SPRR2G: variants seen among roughly 807,000 people sequenced by gnomAD.
SPRR2G encodes small proline-rich protein 2G.
SPRR2G carries 1 observed loss-of-function variant against 0.7 expected under a neutral mutation model. The ratio of observed to expected loss-of-function variants is 1.49; its 90% CI spans 0.53 to 7.06. The LOEUF is 7.06. Among genes scored for constraint, SPRR2G ranks in the 30% most tolerant of loss-of-function variants. The pLI is 0.14. For missense variants in SPRR2G, 96 were observed against 88.5 expected (o/e 1.09, Z -0.34); for synonymous variants, 38 against 33.9 (o/e 1.12, Z -0.42).
At chr1:153,171,332 G>A in the SPRR2G span, among the ~76,000 whole-genome samples, 1 of 152,172 alleles carries the variant, frequency 6.6e-6, no homozygotes, top group African/African-American at 2.4e-5. Flanking sequence ...AACAATTACA[G>A]CTACTATTGA....
intron 1 of SPRR2G, 101 bp from the exon 2 acceptor site, chr1:153,150,232 A>T: frequency 6.7e-7 from 1 of 1,491,526 alleles, no homozygotes; most frequent in African/African-American, 1.4e-5. Context: ...ACCAACTTTG[A>T]TCCCTAATAC....
chr1:153,200,578 A>C, the SPRR2G span, among the ~76,000 whole-genome samples: 1 of 152,246 alleles, frequency 6.6e-6, no homozygotes, highest in Non-Finnish European at 1.5e-5. Flanking sequence ...AGCAATCGAC[A>C]TAAGTTATAT....
the SPRR2G span, among the ~76,000 whole-genome samples, chr1:153,166,704 C>T: frequency 6.6e-6 from 1 of 152,118 alleles, no homozygotes; most frequent in Non-Finnish European, 1.5e-5. Flanking sequence ...ATCACTCACT[C>T]CCATATTAGC....
chr1:153,197,600 G>A, the SPRR2G span, among the ~76,000 whole-genome samples: 3 of 152,140 alleles, frequency 2.0e-5, no homozygotes, highest in African/African-American at 2.4e-5. Context: ...TAATAAGAAA[G>A]CCCTTTCCTG....
chr1:153,183,954 A>C, the SPRR2G span, among the ~76,000 whole-genome samples: 3 of 152,214 alleles, frequency 2.0e-5, no homozygotes, highest in Non-Finnish European at 4.4e-5. Context: ...GCAGTTTTCC[A>C]GCACCTTTTA....
the SPRR2G span, among the ~76,000 whole-genome samples, chr1:153,194,717 T>G: frequency 6.6e-6 from 1 of 152,350 alleles, no homozygotes; most frequent in Non-Finnish European, 1.5e-5. Flanking sequence ...TGAGAATGAT[T>G]GTCTCAGACA....
chr1:153,186,177 G>A, the SPRR2G span, among the ~76,000 whole-genome samples: 1 of 152,142 alleles, frequency 6.6e-6, no homozygotes. Flanking sequence ...GTGCTGAGAG[G>A]AATGTACGTT....
upstream of SPRR2G, among the ~76,000 whole-genome samples, chr1:153,154,051 C>T (rs1373016005): frequency 1.3e-5 from 2 of 151,802 alleles, no homozygotes; most frequent in Non-Finnish European, 2.9e-5. Flanking sequence ...TTGTGGAAAG[C>T]TTTATCTGCC....
chr1:153,178,444 C>CAAGGCTTT, the SPRR2G span, among the ~76,000 whole-genome samples: 1 of 152,058 alleles, frequency 6.6e-6, no homozygotes, highest in Non-Finnish European at 1.5e-5. Flanking sequence ...TAATGTTAGC[C>CAAGGCTTT]AAGGCTTTTC....
upstream of SPRR2G, among the ~76,000 whole-genome samples, chr1:153,154,094 T>A (rs1435744149): frequency 6.6e-6 from 1 of 152,096 alleles, no homozygotes; most frequent in Non-Finnish European, 1.5e-5. Flanking sequence ...TTGTATCCTT[T>A]ATTCTGTTTA....
upstream of SPRR2G, among the ~76,000 whole-genome samples, chr1:153,155,838 A>C (rs113225674): frequency 6.6e-6 from 1 of 152,326 alleles, no homozygotes; most frequent in East Asian, 1.9e-4. Flanking sequence ...ACAATTCTCT[A>C]AAAGCCATCA....
the SPRR2G span, among the ~76,000 whole-genome samples, chr1:153,191,859 GC>G: frequency 6.6e-6 from 1 of 152,102 alleles, no homozygotes; most frequent in Non-Finnish European, 1.5e-5. Flanking sequence ...TTTTATTTAT[GC>G]CTGTTGTTTA....
At chr1:153,150,920 A>T (rs1355797416), upstream of SPRR2G, 1 of 152,366 alleles carries the variant, frequency 6.6e-6, no homozygotes, top group Non-Finnish European at 1.5e-5. Flanking sequence ...GTCCTTTTAT[A>T]AGGGGCAGGC....
chr1:153,159,946 C>A, the SPRR2G span, among the ~76,000 whole-genome samples: 1 of 152,216 alleles, frequency 6.6e-6, no homozygotes, highest in African/African-American at 2.4e-5. Context: ...GGTGGGTACA[C>A]AGAGCCAAAC....
At chr1:153,153,752 C>A (rs954501592), upstream of SPRR2G, among the ~76,000 whole-genome samples, 7 of 152,064 alleles carry the variant, frequency 4.6e-5, no homozygotes, top group African/African-American at 1.7e-4. Flanking sequence ...GTTCTTTAAG[C>A]TCCCAATAAA....
At chr1:153,178,524 C>T in the SPRR2G span, among the ~76,000 whole-genome samples, 1 of 152,088 alleles carries the variant, frequency 6.6e-6, no homozygotes, top group African/African-American at 2.4e-5. Flanking sequence ...ATCCTCAATG[C>T]ATGTTGAATT....
At chr1:153,192,853 A>G in the SPRR2G span, among the ~76,000 whole-genome samples, 6 of 152,172 alleles carry the variant, frequency 3.9e-5, no homozygotes, top group Admixed American at 2.6e-4. Context: ...AAGAACCCCC[A>G]TCCATCATCC....
At chr1:153,186,472 C>T in the SPRR2G span, among the ~76,000 whole-genome samples, 1 of 152,088 alleles carries the variant, frequency 6.6e-6, no homozygotes, top group Non-Finnish European at 1.5e-5. Context: ...TATGTAATGT[C>T]TTTCTTTGTA....
chr1:153,165,346 T>C, the SPRR2G span, among the ~76,000 whole-genome samples: 1 of 152,206 alleles, frequency 6.6e-6, no homozygotes, highest in African/African-American at 2.4e-5. Context: ...GGAAGCCTAC[T>C]ACAGAGCATA....
Sources: gnomAD v4.1 joint callset for allele counts (sites outside exome capture counted in the v4.1 genomes callset) on GRCh38, gnomAD v4.1.1 for gene constraint, MANE v1.5 for transcripts, NCBI Gene and HGNC (gene_info 2026-07-23, HGNC 2026-07-21) for gene names.